Variants in NPY2R observed in about 807,000 individuals in gnomAD.
The protein encoded by NPY2R is neuropeptide Y receptor Y2.
In NPY2R, 17 loss-of-function variants were observed where a neutral mutation model predicts 22.3. The ratio of observed to expected loss-of-function variants is 0.76; its 90% CI spans 0.52 to 1.14. The LOEUF (loss-of-function observed/expected upper bound fraction) is 1.14, where lower values mean the gene tolerates loss of function less well. Ranked by LOEUF, NPY2R falls within the 50% of genes most tolerant of loss-of-function variation. NPY2R has a pLI of 0.00. For missense variants in NPY2R, 424 were observed against 467.9 expected, an observed-to-expected ratio of 0.91 and a Z score of 0.87; for synonymous variants, 209 against 183.4, an observed-to-expected ratio of 1.14 and a Z score of -1.13.
At chr4:155,213,445 T>C (rs1729445727) in intron 1 of NPY2R, among the ~76,000 whole-genome samples, 1 of 152,176 alleles carries the variant, frequency 6.6e-6, no homozygotes, top group South Asian at 2.1e-4. Flanking sequence ...CTTATACAAT[T>C]TGTTGCTGTA....
At chr4:155,175,090 A>G in the NPY2R span, among the ~76,000 whole-genome samples, 1 of 152,120 alleles carries the variant, frequency 6.6e-6, no homozygotes, top group Non-Finnish European at 1.5e-5. Flanking sequence ...ATAATTTTCC[A>G]TAGTTAGTTT....
the NPY2R span, among the ~76,000 whole-genome samples, chr4:155,196,122 CA>C: frequency 6.6e-6 from 1 of 151,950 alleles, no homozygotes; most frequent in Non-Finnish European, 1.5e-5. Flanking sequence ...TGCTAAAATC[CA>C]AAAATGGAAC....
chr4:155,179,409 T>C, the NPY2R span, among the ~76,000 whole-genome samples: 38,220 of 152,026 alleles, frequency 0.25, 5,673 homozygotes, highest in East Asian at 0.53. Flanking sequence ...GTCAAGTTAC[T>C]TGAGGGACAG....
the NPY2R span, among the ~76,000 whole-genome samples, chr4:155,190,532 A>T: frequency 6.6e-6 from 1 of 151,978 alleles, no homozygotes; most frequent in Non-Finnish European, 1.5e-5. Flanking sequence ...GAGTAAAATA[A>T]AAGGAGGGTG....
chr4:155,186,307 T>A, the NPY2R span, among the ~76,000 whole-genome samples: 1 of 152,174 alleles, frequency 6.6e-6, no homozygotes. Context: ...TGATAAATCA[T>A]ATTTTAGGTT....
chr4:155,200,936 G>A, the NPY2R span, among the ~76,000 whole-genome samples: 4 of 152,002 alleles, frequency 2.6e-5, no homozygotes, highest in African/African-American at 9.7e-5. Context: ...CGGGTTGATA[G>A]GTGCAGCGAA....
the NPY2R span, among the ~76,000 whole-genome samples, chr4:155,202,682 C>T: frequency 1.3e-5 from 2 of 152,124 alleles, no homozygotes; most frequent in African/African-American, 4.8e-5. Context: ...AAATCTTTCA[C>T]TTCCCCTTTC....
chr4:155,199,842 A>C, the NPY2R span, among the ~76,000 whole-genome samples: 1 of 152,308 alleles, frequency 6.6e-6, no homozygotes, highest in African/African-American at 2.4e-5. Context: ...CTTACACCTT[A>C]TACAAAAATT....
Position 155,216,942 on chromosome 4 carries a change from T to C in NPY2R, c.*1857T>C, listed in dbSNP as rs1729529140. 6.0e-6 allele frequency: 1 copy of C among 167,086 alleles called. No individual in the cohort carries two copies. Among genetic ancestry groups the C allele is most frequent in the Non-Finnish European group, 1.5e-5 (1 of 68,124 alleles). 10.4% of individuals were successfully genotyped at this position (167,086 alleles called of 1,614,324 possible). ...AATGTATATGCTACTGTGTTACATG[T>C]TGTATTAGTAAATTATTAGAATCCA... On this transcript the variant is annotated 3_prime_UTR_variant, in exon 2 of 2. Coordinates refer to ENST00000329476, the MANE Select transcript of NPY2R (RefSeq NM_000910.4).
Position 155,215,148 on chromosome 4 carries a change from C to T in NPY2R, c.*63C>T, listed in dbSNP as rs553777923. ...CCAGAGCTATGAATCTGGTTGATGG[C>T]GGCTCACAAGTGAAAACTGATTTCC... is the stretch of plus-strand genomic sequence containing the variant. On this transcript the variant is annotated 3_prime_UTR_variant, in exon 2 of 2. Coordinates refer to ENST00000329476, the MANE Select transcript of NPY2R (RefSeq NM_000910.4). The T allele has an allele frequency of 1.7e-5, 25 of 1,443,738 alleles. No individual in the cohort carries two copies. Among genetic ancestry groups the T allele is most frequent in the African/African-American group, 9.8e-5 (7 of 71,460 alleles). 89.4% of individuals were successfully genotyped at this position (1,443,738 alleles called of 1,614,324 possible). A position where few individuals can be genotyped will look rare whatever the true frequency, so the allele number is the denominator to read the frequency against.
the NPY2R span, among the ~76,000 whole-genome samples, chr4:155,198,476 C>T: frequency 7.7e-6 from 1 of 130,400 alleles, no homozygotes; most frequent in Non-Finnish European, 1.7e-5. Context: ...AGTAATATGC[C>T]TATGATATAA....
upstream of NPY2R, among the ~76,000 whole-genome samples, chr4:155,203,972 C>A (rs1330553196): frequency 6.6e-6 from 1 of 152,086 alleles, no homozygotes; most frequent in African/African-American, 2.4e-5. Context: ...ATAATTCTTC[C>A]ACTTCAGCTG....
chr4:155,201,064 A>G, the NPY2R span, among the ~76,000 whole-genome samples: 1 of 152,108 alleles, frequency 6.6e-6, no homozygotes, highest in Non-Finnish European at 1.5e-5. Flanking sequence ...TGCAAACAAT[A>G]TATATACTGC....
chr4:155,177,871 T>G, the NPY2R span, among the ~76,000 whole-genome samples: 1 of 152,090 alleles, frequency 6.6e-6, no homozygotes, highest in South Asian at 2.1e-4. Context: ...CTGCCTTTTA[T>G]CACCACCACA....
the NPY2R span, among the ~76,000 whole-genome samples, chr4:155,191,564 T>A: frequency 1.3e-5 from 2 of 151,966 alleles, no homozygotes; most frequent in African/African-American, 2.4e-5. Context: ...CACATTAATG[T>A]TTTCTACTTC....
At chr4:155,203,905 G>A (rs990751786), upstream of NPY2R, among the ~76,000 whole-genome samples, 2 of 152,140 alleles carry the variant, frequency 1.3e-5, no homozygotes, top group Non-Finnish European at 2.9e-5. Context: ...AACCTAAGAA[G>A]TTAAGTACAT....
Position 155,216,938 on chromosome 4 carries a change from C to T in NPY2R, c.*1853C>T, listed in dbSNP as rs1194535190. On this transcript the variant is annotated 3_prime_UTR_variant, in exon 2 of 2. Transcript: ENST00000329476. The stretch of plus-strand genomic sequence containing the variant: ...AAGAAATGTATATGCTACTGTGTTA[C>T]ATGTTGTATTAGTAAATTATTAGAA... 1.2e-5 allele frequency: 2 copies of T among 167,008 alleles called. No individual in the cohort carries two copies. Among genetic ancestry groups the T allele is most frequent in the East Asian group, 1.9e-4 (1 of 5,202 alleles). The allele number at this position is 167,008 out of a possible 1,614,324, so 10.3% of individuals were successfully genotyped here.
At chr4:155,191,470 A>T in the NPY2R span, among the ~76,000 whole-genome samples, 1 of 151,896 alleles carries the variant, frequency 6.6e-6, no homozygotes, top group Non-Finnish European at 1.5e-5. Context: ...ACTTATGTGA[A>T]AACTTTCCCA....
chr4:155,189,743 G>A, the NPY2R span, among the ~76,000 whole-genome samples: 1 of 151,842 alleles, frequency 6.6e-6, no homozygotes, highest in Non-Finnish European at 1.5e-5. Context: ...CAAACCAGGA[G>A]TAGGGACCCT....
Sources: allele counts gnomAD v4.1 joint callset (sites outside exome capture counted in the v4.1 genomes callset), GRCh38; gene constraint gnomAD v4.1.1; transcripts MANE v1.5; gene names NCBI Gene and HGNC (gene_info 2026-07-23, HGNC 2026-07-21).